SGCZ: variants seen among roughly 807,000 people sequenced by gnomAD.
SGCZ encodes the protein sarcoglycan zeta.
SGCZ carries 40 observed loss-of-function variants against 41.3 expected under a neutral mutation model. The ratio of observed to expected loss-of-function variants is 0.97; its 90% CI spans 0.75 to 1.26. The LOEUF (loss-of-function observed/expected upper bound fraction) is 1.26. SGCZ is among the 50% of genes most tolerant of loss of function. SGCZ has a pLI of 0.00. For synonymous variants in SGCZ, 206 were observed against 137.5 expected, an observed-to-expected ratio of 1.50 and a Z score of -3.49; for missense variants, 552 against 369.8, an observed-to-expected ratio of 1.49 and a Z score of -4.04.
intron 1 of SGCZ, among the ~76,000 whole-genome samples, chr8:15,113,275 T>C (rs993860259): frequency 6.6e-6 from 1 of 151,900 alleles, no homozygotes; most frequent in Non-Finnish European, 1.5e-5. Flanking sequence ...ATTCTAAAGA[T>C]AAATTAAATG....
intron 1 of SGCZ, among the ~76,000 whole-genome samples, chr8:14,787,255 G>C (rs1246959607): frequency 6.6e-6 from 1 of 152,084 alleles, no homozygotes; most frequent in African/African-American, 2.4e-5. Context: ...ACAAGACAAT[G>C]AAATTCAGGT....
intron 1 of SGCZ, among the ~76,000 whole-genome samples, chr8:15,216,223 C>CT (rs34383864): frequency 0.78 from 98,797 of 125,920 alleles, 39,695 homozygotes; most frequent in Non-Finnish European, 0.85. Context: ...CTTTTTTTTT[C>CT]TTTTTTTTTT....
At chr8:14,726,307 A>AATATATATATATATATATATATAT (rs1554488696) in intron 1 of SGCZ, among the ~76,000 whole-genome samples, 1 of 75,850 alleles carries the variant, frequency 1.3e-5, no homozygotes, top group Non-Finnish European at 3.2e-5. Flanking sequence ...TATATGTGTA[A>AATATATATATATATATATATATAT]ATACATATAT....
At chr8:14,205,899 A>G (rs1319264969) in intron 4 of SGCZ, among the ~76,000 whole-genome samples, 2 of 152,166 alleles carry the variant, frequency 1.3e-5, no homozygotes, top group Admixed American at 1.3e-4. Context: ...AAGTTTTCTC[A>G]TAAGAATCAT....
chr8:15,168,801 T>C (rs1469299184), intron 1 of SGCZ, among the ~76,000 whole-genome samples: 1 of 152,190 alleles, frequency 6.6e-6, no homozygotes, highest in African/African-American at 2.4e-5. Context: ...GACGGGACCC[T>C]CCCCTCAGAT....
chr8:14,585,942 G>C (rs1333007694), intron 1 of SGCZ, among the ~76,000 whole-genome samples: 1 of 151,854 alleles, frequency 6.6e-6, no homozygotes, highest in Non-Finnish European at 1.5e-5. Context: ...TTAAGACAAA[G>C]AACAATATCA....
chr8:14,163,586 A>G (rs1039271307), intron 5 of SGCZ, among the ~76,000 whole-genome samples: 4 of 152,204 alleles, frequency 2.6e-5, no homozygotes, highest in Non-Finnish European at 4.4e-5. Flanking sequence ...ACACAACTAC[A>G]CACACATGCA....
At chr8:14,640,607 C>CAT (rs61327556) in intron 1 of SGCZ, among the ~76,000 whole-genome samples, 36,559 of 150,994 alleles carry the variant, frequency 0.24, 5,647 homozygotes, top group East Asian at 0.59. Flanking sequence ...AAACACCACA[C>CAT]ATATATATAT....
intron 1 of SGCZ, among the ~76,000 whole-genome samples, chr8:15,185,383 G>C (rs73527489): frequency 0.02 from 3,000 of 152,258 alleles, 83 homozygotes; most frequent in African/African-American, 0.066. Context: ...AATTGTAAAA[G>C]CTGCTGCATC....
At chr8:14,402,613 A>G (rs1799108789) in intron 2 of SGCZ, among the ~76,000 whole-genome samples, 1 of 142,174 alleles carries the variant, frequency 7.0e-6, no homozygotes, top group Non-Finnish European at 1.5e-5. Flanking sequence ...ATGTGGCGTT[A>G]TTTCTGAGGG....
chr8:15,186,059 T>A (rs140054033), intron 1 of SGCZ, among the ~76,000 whole-genome samples: 3,024 of 146,296 alleles, frequency 0.021, 93 homozygotes, highest in African/African-American at 0.073. Context: ...CCGTCTTTAC[T>A]AAAAATAAAA....
At chr8:14,768,801 C>A (rs1352782564) in intron 1 of SGCZ, among the ~76,000 whole-genome samples, 1 of 151,964 alleles carries the variant, frequency 6.6e-6, no homozygotes, top group East Asian at 2.0e-4. Context: ...AAACGAGTCT[C>A]TGCTTGTCCC....
intron 6 of SGCZ, among the ~76,000 whole-genome samples, chr8:14,107,084 C>T (rs1214334995): frequency 6.6e-6 from 1 of 151,882 alleles, no homozygotes; most frequent in Non-Finnish European, 1.5e-5. Flanking sequence ...GGCACAATGG[C>T]GGGCGCCTGT....
chr8:15,058,935 G>A (rs1234506507), intron 1 of SGCZ, among the ~76,000 whole-genome samples: 2 of 152,026 alleles, frequency 1.3e-5, no homozygotes, highest in Non-Finnish European at 1.5e-5. Flanking sequence ...AAAACCAGGT[G>A]TTTTTAAAAG....
At chr8:15,040,668 A>C (rs1345855054) in intron 1 of SGCZ, among the ~76,000 whole-genome samples, 2 of 152,180 alleles carry the variant, frequency 1.3e-5, no homozygotes, top group Non-Finnish European at 2.9e-5. Flanking sequence ...ATATGATTAT[A>C]TTTAGTTGAT....
chr8:14,869,074 C>T (rs185486044), intron 1 of SGCZ, among the ~76,000 whole-genome samples: 2 of 152,208 alleles, frequency 1.3e-5, no homozygotes, highest in African/African-American at 4.8e-5. Flanking sequence ...GGAACTCCTC[C>T]CTAACTCAAT....
intron 1 of SGCZ, among the ~76,000 whole-genome samples, chr8:14,613,331 G>T (rs911996843): frequency 6.6e-6 from 1 of 152,126 alleles, no homozygotes; most frequent in Non-Finnish European, 1.5e-5. Context: ...AAGGAAACTA[G>T]TAAGTTTATG....
intron 1 of SGCZ, among the ~76,000 whole-genome samples, chr8:15,100,998 C>T (rs1806591790): frequency 6.6e-6 from 1 of 151,824 alleles, no homozygotes; most frequent in Non-Finnish European, 1.5e-5. Context: ...ATACTCTTTA[C>T]CCAACTTGTT....
intron 2 of SGCZ, among the ~76,000 whole-genome samples, chr8:14,440,948 C>A (rs1014002412): frequency 6.6e-6 from 1 of 151,806 alleles, no homozygotes; most frequent in African/African-American, 2.4e-5. Flanking sequence ...CTAAGAAAGT[C>A]ATGGAGACTT....
Sources: allele counts gnomAD v4.1 joint callset (sites outside exome capture counted in the v4.1 genomes callset), GRCh38; gene constraint gnomAD v4.1.1; transcripts MANE v1.5; gene names NCBI Gene and HGNC (gene_info 2026-07-23, HGNC 2026-07-21).